FERMT2: variants seen among roughly 807,000 people sequenced by gnomAD.
The protein encoded by FERMT2 is FERM domain containing kindlin 2.
Under a neutral mutation model 82.7 loss-of-function variants are expected in FERMT2, and 15 were observed. The observed-to-expected ratio is 0.18, with a 90% CI of 0.12 to 0.28. The LOEUF (loss-of-function observed/expected upper bound fraction) is 0.28, where lower values mean the gene tolerates loss of function less well. FERMT2 is among the 10% of genes least tolerant of loss of function. The pLI is 1.00. For missense variants in FERMT2, 645 were observed against 809.4 expected, an observed-to-expected ratio of 0.80 and a Z score of 2.46; for synonymous variants, 274 against 271.5, an observed-to-expected ratio of 1.01 and a Z score of -0.09.
At chr14:52,887,556 TG>T (rs1202112786) in intron 4 of FERMT2, among the ~76,000 whole-genome samples, 1 of 151,798 alleles carries the variant, frequency 6.6e-6, no homozygotes, top group African/African-American at 2.4e-5. Context: ...TGGCCAGGCA[TG>T]GTAGCTCATG....
rs1884831984 is a variant in FERMT2 at position 52,860,085 on chromosome 14, G to A, written c.1727+256C>T. On this transcript the variant is annotated intron_variant, in intron 13 of 14. Transcript: ENST00000341590. ...ACCCACCTCGGCCTCCCACAGTGCTGCGATTACAGGCGTGAGCCACCGTGC... is the reference window on the plus strand; with the variant it reads ...ACCCACCTCGGCCTCCCACAGTGCTACGATTACAGGCGTGAGCCACCGTGC... The A allele has an allele frequency of 1.9e-5, 7 of 367,962 alleles. No homozygotes were observed. The East Asian group carries it at 3.7e-4, about 20-fold the overall frequency. The allele number at this position is 367,962 out of a possible 1,614,324, so 22.8% of individuals were successfully genotyped here. A position where few individuals can be genotyped will look rare whatever the true frequency, so the allele number is the denominator to read the frequency against.
chr14:52,859,533 A>T lies in FERMT2; in HGVS notation c.1869+40T>A, dbSNP rs145441604. The T allele has an allele frequency of 3.6e-3, 5,421 of 1,519,586 alleles. 16 individuals carry two copies. Among genetic ancestry groups the T allele is most frequent in the Middle Eastern group, 6.8e-3 (39 of 5,720 alleles). The allele number at this position is 1,519,586 out of a possible 1,614,324, so 94.1% of individuals were successfully genotyped here. A position where few individuals can be genotyped will look rare whatever the true frequency, so the allele number is the denominator to read the frequency against. On this transcript the variant is annotated intron_variant, in intron 14 of 14. Coordinates refer to ENST00000341590, the MANE Select transcript of FERMT2 (RefSeq NM_006832.3). ...TATTCTTAATGTACTAATTTGTATC[A>T]GAGAAGGACTATATTCAAGTAACAT... is the stretch of plus-strand genomic sequence containing the variant.
intron 2 of FERMT2, among the ~76,000 whole-genome samples, chr14:52,933,500 C>T (rs986763070): frequency 3.3e-5 from 5 of 151,850 alleles, no homozygotes; most frequent in Admixed American, 6.6e-5. Context: ...CACCTAAGGT[C>T]GGGAGTTCGA....
intron 12 of FERMT2, chr14:52,860,733 T>G: frequency 1.8e-6 from 1 of 558,590 alleles, no homozygotes; most frequent in Non-Finnish European, 3.1e-6. Flanking sequence ...ATATTCCAAA[T>G]GCATACACCT....
At chr14:52,950,753 G>C (rs1566769249) in intron 1 of FERMT2, 168 bp downstream of exon 1, 1 of 559,514 alleles carries the variant, frequency 1.8e-6, no homozygotes, top group Non-Finnish European at 3.1e-6. Context: ...CGCCCCGCTC[G>C]CCCCGCAGCG....
chr14:52,944,971 G>T (rs1890262596), intron 2 of FERMT2, among the ~76,000 whole-genome samples: 2 of 151,974 alleles, frequency 1.3e-5, no homozygotes, highest in African/African-American at 4.8e-5. Flanking sequence ...TGTAATCACA[G>T]CTCACTGCAG....
chr14:52,868,804 G>A (rs1193551000), intron 10 of FERMT2, among the ~76,000 whole-genome samples: 1 of 152,092 alleles, frequency 6.6e-6, no homozygotes, highest in African/African-American at 2.4e-5. Flanking sequence ...GTACAACATA[G>A]TCTCAAAAAA....
At chr14:52,949,320 C>T (rs1244249271) in intron 2 of FERMT2, among the ~76,000 whole-genome samples, 1 of 150,948 alleles carries the variant, frequency 6.6e-6, no homozygotes, top group African/African-American at 2.4e-5. Flanking sequence ...AAATAGATTT[C>T]CTGACAAATA....
At chr14:52,909,605 T>G (rs1362687923) in intron 3 of FERMT2, among the ~76,000 whole-genome samples, 1 of 151,584 alleles carries the variant, frequency 6.6e-6, no homozygotes, top group East Asian at 1.9e-4. Context: ...CTGGCCAACA[T>G]GGCGAAATTC....
chr14:52,913,424 T>G (rs1173969736), intron 3 of FERMT2, among the ~76,000 whole-genome samples: 3 of 152,162 alleles, frequency 2.0e-5, no homozygotes, highest in African/African-American at 7.2e-5. Context: ...CTTCTGCCAC[T>G]AGAATGAGGT....
intron 7 of FERMT2, among the ~76,000 whole-genome samples, chr14:52,877,429 A>G (rs535744798): frequency 9.9e-5 from 15 of 152,226 alleles, no homozygotes; most frequent in Admixed American, 5.2e-4. Flanking sequence ...TGGAAACACA[A>G]TACGGGATCC....
chr14:52,873,836 C>T (rs1307089919), intron 9 of FERMT2: 2 of 188,236 alleles, frequency 1.1e-5, no homozygotes, highest in African/African-American at 2.3e-5. Flanking sequence ...AGGAAATAAT[C>T]GCTGGCAGTG....
In FERMT2 at chr14:52,858,368, T is replaced by C; in HGVS notation, c.*9A>G. 1.2e-6 allele frequency: 2 copies of C among 1,610,516 alleles called. No individual in the cohort carries two copies. The highest frequency in any genetic ancestry group is 1.7e-6 in the Non-Finnish European group (2 of 1,176,726). On this transcript the variant is annotated 3_prime_UTR_variant, in exon 15 of 15. Transcript: ENST00000341590. ...ATGGCCGTGGAGTTTCATTAAACAGTATTCCTATTCACACCCAACCACTGG... is the reference window on the plus strand; with the variant it reads ...ATGGCCGTGGAGTTTCATTAAACAGCATTCCTATTCACACCCAACCACTGG...
At chr14:52,875,393 T>C (rs1457358370) in intron 7 of FERMT2, 36 bp from the exon 8 acceptor site, 2 of 1,469,872 alleles carry the variant, frequency 1.4e-6, no homozygotes, top group Non-Finnish European at 1.9e-6. Flanking sequence ...ATAATTGCTA[T>C]AACTGTAAAA....
At chr14:52,908,569 T>C (rs1006383123) in intron 3 of FERMT2, among the ~76,000 whole-genome samples, 19 of 152,112 alleles carry the variant, frequency 1.2e-4, no homozygotes, top group African/African-American at 4.1e-4. Flanking sequence ...CCAAATACTA[T>C]AGGATTCCAT....
intron 3 of FERMT2, among the ~76,000 whole-genome samples, chr14:52,904,421 A>G (rs1449136210): frequency 6.7e-4 from 101 of 151,842 alleles, no homozygotes; most frequent in African/African-American, 2.4e-3. Flanking sequence ...AGAGGCTGAG[A>G]CAGGAGAATT....
chr14:52,940,922 T>C (rs911864349), intron 2 of FERMT2, among the ~76,000 whole-genome samples: 3 of 152,172 alleles, frequency 2.0e-5, no homozygotes, highest in Non-Finnish European at 2.9e-5. Context: ...ATGAAAAAGT[T>C]TGGCAGTTTC....
At chr14:52,905,558 G>A (rs943754523) in intron 3 of FERMT2, among the ~76,000 whole-genome samples, 6 of 152,362 alleles carry the variant, frequency 3.9e-5, no homozygotes, top group South Asian at 4.1e-4. Flanking sequence ...CGGAGCAGTG[G>A]AGGGTGGAGA....
At chr14:52,923,540 A>G (rs1260111385) in intron 2 of FERMT2, among the ~76,000 whole-genome samples, 4 of 152,082 alleles carry the variant, frequency 2.6e-5, no homozygotes, top group South Asian at 2.1e-4. Context: ...TCAGAAACAT[A>G]TATCTCCCCT....
Sources: gnomAD v4.1 joint callset for allele counts (sites outside exome capture counted in the v4.1 genomes callset) on GRCh38, gnomAD v4.1.1 for gene constraint, MANE v1.5 for transcripts, NCBI Gene and HGNC (gene_info 2026-07-23, HGNC 2026-07-21) for gene names.